SHANK2: variants seen among roughly 807,000 people sequenced by gnomAD.
SHANK2 encodes SH3 and multiple ankyrin repeat domains protein 2.
A neutral mutation model predicts 133.7 loss-of-function variants in SHANK2; 43 were observed. The ratio of observed to expected loss-of-function variants is 0.32; its 90% CI spans 0.25 to 0.41. The LOEUF is 0.41. Among genes scored for constraint, SHANK2 ranks in the 10% least tolerant of loss-of-function variants. The pLI is 1.00. For synonymous variants in SHANK2, 1,017 were observed against 952.8 expected, an observed-to-expected ratio of 1.07 and a Z score of -1.24; for missense variants, 1,994 against 2,235.8, an observed-to-expected ratio of 0.89 and a Z score of 2.18.
chr11:70,786,606 A>G (rs553640629), intron 14 of SHANK2, among the ~76,000 whole-genome samples: 89 of 152,294 alleles, frequency 5.8e-4, no homozygotes, highest in Non-Finnish European at 1.6e-4. Flanking sequence ...ACAAGGGTAA[A>G]ATAATTTTTC....
intron 14 of SHANK2, among the ~76,000 whole-genome samples, chr11:70,777,888 G>A (rs1947400191): frequency 6.6e-6 from 1 of 152,148 alleles, no homozygotes; most frequent in Non-Finnish European, 1.5e-5. Context: ...ATAGAGCCCT[G>A]GCATCCACAT....
chr11:70,742,786 C>T (rs748453413), intron 14 of SHANK2, among the ~76,000 whole-genome samples: 12 of 152,194 alleles, frequency 7.9e-5, no homozygotes, highest in Non-Finnish European at 1.6e-4. Flanking sequence ...CGGCCTGGAG[C>T]GCAGGCATGG....
chr11:70,663,475 C>T (rs1223711966), intron 15 of SHANK2, among the ~76,000 whole-genome samples: 3 of 152,162 alleles, frequency 2.0e-5, no homozygotes, highest in Non-Finnish European at 4.4e-5. Flanking sequence ...CTAGGGAACG[C>T]GTGCTCTTCT....
At chr11:70,728,810 C>T (rs1053778967) in intron 14 of SHANK2, among the ~76,000 whole-genome samples, 6 of 152,170 alleles carry the variant, frequency 3.9e-5, no homozygotes, top group East Asian at 3.8e-4. Flanking sequence ...CCTCTGATCA[C>T]GTAAGGAGGC....
At chr11:70,554,398 T>A (rs1246525060) in intron 17 of SHANK2, among the ~76,000 whole-genome samples, 1 of 152,198 alleles carries the variant, frequency 6.6e-6, no homozygotes, top group East Asian at 1.9e-4. Context: ...GGATAATGGG[T>A]TCCCCTTGTA....
rs533945921 is a variant in SHANK2 at position 70,924,936 on chromosome 11, C to T, written c.1108-28369G>A. On this transcript the variant is annotated intron_variant, in intron 10 of 25. Transcript: ENST00000601538. ...GGAGCTGCTAACTTTGTATTGGAAG[C>T]GTTCACCAGGACCCTCCCTTCCCAT... is the stretch of plus-strand genomic sequence containing the variant. Among the ~76,000 whole-genome samples, 6 of 152,264 alleles carry T rather than the reference C, an allele frequency of 3.9e-5. No individual in the cohort carries two copies. The South Asian group carries it at 1.0e-3, about 26-fold the overall frequency.
intron 14 of SHANK2, among the ~76,000 whole-genome samples, chr11:70,730,768 T>C (rs1255087852): frequency 1.3e-5 from 2 of 151,900 alleles, no homozygotes; most frequent in East Asian, 1.9e-4. Context: ...TTTCAGCAAC[T>C]TTCCTTCCCA....
chr11:70,687,088 G>T (rs1945173413), intron 15 of SHANK2, among the ~76,000 whole-genome samples: 1 of 152,218 alleles, frequency 6.6e-6, no homozygotes, highest in Non-Finnish European at 1.5e-5. Flanking sequence ...TTCATTCATG[G>T]TGACCACTGG....
chr11:71,135,482 G>GT (rs71949830), intron 3 of SHANK2, among the ~76,000 whole-genome samples: 2,640 of 115,654 alleles, frequency 0.023, 103 homozygotes, highest in African/African-American at 0.068. Flanking sequence ...GGGGGGATAT[G>GT]TTTTTTTTTT....
intron 14 of SHANK2, among the ~76,000 whole-genome samples, chr11:70,795,567 G>A (rs781908258): frequency 4.8e-4 from 73 of 152,066 alleles, no homozygotes; most frequent in Non-Finnish European, 6.6e-4. Flanking sequence ...CACCATGTCC[G>A]GCTAATTTTT....
At chr11:71,249,378 T>G (rs1473860262) in intron 1 of SHANK2, among the ~76,000 whole-genome samples, 1 of 152,146 alleles carries the variant, frequency 6.6e-6, no homozygotes, top group Non-Finnish European at 1.5e-5. Context: ...CAAGGGTCCC[T>G]CCCTGGGGCT....
At chr11:70,680,813 T>G (rs1200274420) in intron 15 of SHANK2, among the ~76,000 whole-genome samples, 2 of 152,150 alleles carry the variant, frequency 1.3e-5, no homozygotes, top group African/African-American at 4.8e-5. Flanking sequence ...CTTTCGCAGA[T>G]TGTGGGCTGA....
chr11:71,086,045 A>ATGTTATATAATATATTATATAATATAT (rs1734719207), intron 8 of SHANK2, among the ~76,000 whole-genome samples: 9 of 76,178 alleles, frequency 1.2e-4, no homozygotes, highest in African/African-American at 5.1e-4. Flanking sequence ...ATATTATATA[A>ATGTTATATAATATATTATATAATATAT]TATGTTATAT....
At chr11:71,090,411 G>T (rs1470601428) in intron 8 of SHANK2, among the ~76,000 whole-genome samples, 1 of 87,474 alleles carries the variant, frequency 1.1e-5, no homozygotes. Flanking sequence ...CATTCAGGGT[G>T]TATCAGCCAG....
chr11:71,239,763 C>T (rs1555124139), intron 1 of SHANK2, among the ~76,000 whole-genome samples: 1 of 152,198 alleles, frequency 6.6e-6, no homozygotes, highest in African/African-American at 2.4e-5. Context: ...GCATGAGCCA[C>T]CATACCTGGC....
At chr11:71,108,939 C>CA (rs1951843961) in intron 6 of SHANK2, among the ~76,000 whole-genome samples, 1 of 137,596 alleles carries the variant, frequency 7.3e-6, no homozygotes, top group Non-Finnish European at 1.5e-5. Context: ...CCCAGCGGGC[C>CA]CCCCCCCAGC....
intron 11 of SHANK2, among the ~76,000 whole-genome samples, chr11:70,836,675 G>A (rs1457486493): frequency 6.6e-6 from 1 of 152,188 alleles, no homozygotes; most frequent in Non-Finnish European, 1.5e-5. Flanking sequence ...CACTGCAGCT[G>A]CCCAACGCCT....
chr11:70,710,253 C>A (rs1286216389), intron 14 of SHANK2, among the ~76,000 whole-genome samples: 2 of 152,224 alleles, frequency 1.3e-5, no homozygotes, highest in Non-Finnish European at 2.9e-5. Flanking sequence ...TCCCTCTTCA[C>A]AACGGCCTAA....
chr11:71,129,446 C>T (rs1191180112), intron 3 of SHANK2, among the ~76,000 whole-genome samples: 1 of 152,084 alleles, frequency 6.6e-6, no homozygotes, highest in South Asian at 2.1e-4. Flanking sequence ...AAAGAGCAGG[C>T]GAGGCAACAT....
Sources: allele counts gnomAD v4.1 joint callset (sites outside exome capture counted in the v4.1 genomes callset), GRCh38; gene constraint gnomAD v4.1.1; transcripts MANE v1.5; gene names NCBI Gene and HGNC (gene_info 2026-07-23, HGNC 2026-07-21).